Variants in MID1 observed in about 807,000 individuals in gnomAD.
MID1 encodes the protein midline 1, also known as E3 ubiquitin-protein ligase Midline-1.
A neutral mutation model predicts 40.4 loss-of-function variants in MID1; 7 were observed. That is an observed-to-expected ratio of 0.17 (90% CI 0.10 to 0.33). MID1 has a LOEUF of 0.33. Ranked by LOEUF, MID1 falls within the 10% of genes least tolerant of loss-of-function variation. The pLI is 1.00. For synonymous variants in MID1, 229 were observed against 221.2 expected (o/e 1.04, Z -0.31); for missense variants, 367 against 558.5 (o/e 0.66, Z 3.46).
intron 3 of MID1, among the ~76,000 whole-genome samples, chrX:10,514,869 T>A (rs908997775): frequency 8.9e-6 from 1 of 111,815 alleles, no homozygotes; most frequent in African/African-American, 3.3e-5. Context: ...CTGTGGGTTG[T>A]ATGATGTGGT....
intron 1 of MID1, among the ~76,000 whole-genome samples, chrX:10,709,240 T>C (rs1048763773): frequency 8.9e-6 from 1 of 112,380 alleles, no homozygotes; most frequent in East Asian, 2.8e-4. Context: ...AAAGTTGACA[T>C]TGTCCAATCA....
intron 1 of MID1, among the ~76,000 whole-genome samples, chrX:10,670,120 G>A (rs749315430): frequency 4.5e-5 from 5 of 112,264 alleles, no homozygotes; most frequent in Non-Finnish European, 9.4e-5. Context: ...GGAACAAATG[G>A]AATAAAATGT....
chrX:10,773,951 T>C (rs1369693294), intron 1 of MID1, among the ~76,000 whole-genome samples: 2 of 112,145 alleles, frequency 1.8e-5, no homozygotes, highest in African/African-American at 3.2e-5. Context: ...TAAATGAGCA[T>C]TCGTCTTTGG....
intron 1 of MID1, among the ~76,000 whole-genome samples, chrX:10,783,560 G>C (rs2043860549): frequency 9.0e-6 from 1 of 111,637 alleles, no homozygotes; most frequent in Admixed American, 9.6e-5. Context: ...GCAAATGCGA[G>C]ACACCCAACA....
chrX:10,754,008 T>C (rs1179987859), intron 1 of MID1, among the ~76,000 whole-genome samples: 1 of 112,587 alleles, frequency 8.9e-6, no homozygotes, highest in Admixed American at 9.4e-5. Context: ...ATTCAAATCC[T>C]TTTCAGACCT....
At chrX:10,511,266 CGT>C (rs1932142746) in intron 3 of MID1, among the ~76,000 whole-genome samples, 1 of 109,771 alleles carries the variant, frequency 9.1e-6, no homozygotes, top group Non-Finnish European at 1.9e-5. Context: ...AAAAAAATTA[CGT>C]GTTTCAAATT....
At chrX:10,469,985 A>G in intron 6 of MID1, 145 bp from the exon 7 acceptor site, 1 of 527,259 alleles carries the variant, frequency 1.9e-6, no homozygotes, top group Non-Finnish European at 3.1e-6. Flanking sequence ...AATCTAAAGA[A>G]TATCTGATTG....
intron 3 of MID1, among the ~76,000 whole-genome samples, chrX:10,508,296 T>G (rs1335966554): frequency 8.9e-6 from 1 of 112,426 alleles, no homozygotes; most frequent in East Asian, 2.8e-4. Context: ...ACTTGAAATA[T>G]GGTTAGTCTG....
intron 1 of MID1, among the ~76,000 whole-genome samples, chrX:10,571,097 G>A (rs1487536957): frequency 2.7e-5 from 3 of 112,209 alleles, no homozygotes; most frequent in Admixed American, 9.4e-5. Flanking sequence ...ATGTAAGAAC[G>A]AATTAATAGT....
intron 1 of MID1, among the ~76,000 whole-genome samples, chrX:10,723,831 C>T: frequency 8.9e-6 from 1 of 112,939 alleles, no homozygotes; most frequent in Non-Finnish European, 1.9e-5. Context: ...TGAGCCACCG[C>T]GCCCAGCTAA....
At chrX:10,791,629 G>A (rs770750873) in intron 1 of MID1, among the ~76,000 whole-genome samples, 1 of 111,524 alleles carries the variant, frequency 9.0e-6, no homozygotes, top group African/African-American at 3.3e-5. Flanking sequence ...AGACATGTGG[G>A]TCCTGATCAT....
At chrX:10,456,919 T>C (rs368555662) in intron 8 of MID1, among the ~76,000 whole-genome samples, 16 of 112,037 alleles carry the variant, frequency 1.4e-4, no homozygotes, top group African/African-American at 4.9e-4. Context: ...GGATTGGACA[T>C]TCTCAGAGGC....
intron 1 of MID1, among the ~76,000 whole-genome samples, chrX:10,688,283 T>C (rs1602517858): frequency 8.9e-6 from 1 of 112,348 alleles, no homozygotes; most frequent in Non-Finnish European, 1.9e-5. Flanking sequence ...CTCTAAATTA[T>C]CTATTCAAAA....
chrX:10,450,774 A>G (rs1190561633), intron 9 of MID1, among the ~76,000 whole-genome samples: 2 of 112,343 alleles, frequency 1.8e-5, no homozygotes, highest in East Asian at 5.5e-4. Context: ...GCTTTCTACA[A>G]TGTTCTAAGC....
At chrX:10,544,091 A>G (rs1233614616) in intron 2 of MID1, among the ~76,000 whole-genome samples, 1 of 112,031 alleles carries the variant, frequency 8.9e-6, no homozygotes, top group African/African-American at 3.2e-5. Flanking sequence ...ACTCCAAACC[A>G]GTTCCATTTG....
intron 1 of MID1, among the ~76,000 whole-genome samples, chrX:10,771,672 T>C (rs912512960): frequency 6.5e-4 from 66 of 101,709 alleles, no homozygotes; most frequent in African/African-American, 2.3e-3. Flanking sequence ...TTTTTTTTTT[T>C]TTTTTTTTGT....
At chrX:10,473,816 A>G (rs1161012584) in intron 6 of MID1, among the ~76,000 whole-genome samples, 1 of 112,447 alleles carries the variant, frequency 8.9e-6, no homozygotes, top group Non-Finnish European at 1.9e-5. Context: ...ACCAGTGAAT[A>G]TTCTCAGTTC....
chrX:10,776,139 G>A (rs1255775007), intron 1 of MID1, among the ~76,000 whole-genome samples: 6 of 111,972 alleles, frequency 5.4e-5, no homozygotes, highest in South Asian at 3.7e-4. Context: ...TTGCTCTTAC[G>A]TAGCAGTTTG....
chrX:10,741,397 G>A (rs1227350264), intron 1 of MID1, among the ~76,000 whole-genome samples: 2 of 110,504 alleles, frequency 1.8e-5, no homozygotes, highest in Admixed American at 9.7e-5. Context: ...TTGGGCTCTC[G>A]GCTGAACCCT....
Sources: gnomAD v4.1 joint callset for allele counts (sites outside exome capture counted in the v4.1 genomes callset) on GRCh38, gnomAD v4.1.1 for gene constraint, MANE v1.5 for transcripts, NCBI Gene and HGNC (gene_info 2026-07-23, HGNC 2026-07-21) for gene names.